WDR70: variants seen among roughly 807,000 people sequenced by gnomAD.
WDR70 encodes the protein WD repeat domain 70, also known as WD repeat-containing protein 70.
In WDR70, 53 loss-of-function variants were observed where a neutral mutation model predicts 88.6. That is an observed-to-expected ratio of 0.60 (90% CI 0.48 to 0.75). The LOEUF (loss-of-function observed/expected upper bound fraction) is 0.75, where lower values mean the gene tolerates loss of function less well. Among genes scored for constraint, WDR70 ranks in the 30% least tolerant of loss-of-function variants. WDR70 has a pLI of 0.00. For synonymous variants in WDR70, 280 were observed against 270.0 expected (o/e 1.04, Z -0.36); for missense variants, 610 against 823.2 (o/e 0.74, Z 3.17).
intron 9 of WDR70, among the ~76,000 whole-genome samples, chr5:37,560,828 T>TA (rs397942140): frequency 6.7e-6 from 1 of 149,836 alleles, no homozygotes; most frequent in African/African-American, 2.5e-5. Flanking sequence ...TTTTTTTTTT[T>TA]AAGAGACAGA....
chr5:37,650,701 A>G (rs1745377849), intron 10 of WDR70, among the ~76,000 whole-genome samples: 2 of 152,212 alleles, frequency 1.3e-5, no homozygotes, highest in African/African-American at 2.4e-5. Flanking sequence ...GATTATTTGC[A>G]TGGTAGGTAA....
chr5:37,732,479 C>T (rs1451423416), intron 17 of WDR70, among the ~76,000 whole-genome samples: 1 of 152,068 alleles, frequency 6.6e-6, no homozygotes, highest in Non-Finnish European at 1.5e-5. Flanking sequence ...GAATTAGTAT[C>T]TTTGGATGTA....
At chr5:37,676,930 G>T (rs143537088) in intron 10 of WDR70, among the ~76,000 whole-genome samples, 4,395 of 152,170 alleles carry the variant, frequency 0.029, 99 homozygotes, top group Non-Finnish European at 0.041. Flanking sequence ...TTGGTCTATT[G>T]AGAGATTCAG....
At chr5:37,678,059 C>A (rs1309295365) in intron 10 of WDR70, among the ~76,000 whole-genome samples, 1 of 151,944 alleles carries the variant, frequency 6.6e-6, no homozygotes, top group African/African-American at 2.4e-5. Flanking sequence ...GCAACCCCTG[C>A]CTTTTTTTGT....
intron 2 of WDR70, among the ~76,000 whole-genome samples, chr5:37,379,845 G>A (rs1748369677): frequency 6.6e-6 from 1 of 152,080 alleles, no homozygotes; most frequent in African/African-American, 2.4e-5. Context: ...ATTTGTACGA[G>A]GATTTTTAAA....
chr5:37,679,939 C>T (rs760588404), intron 10 of WDR70, among the ~76,000 whole-genome samples: 48 of 152,348 alleles, frequency 3.2e-4, no homozygotes, highest in Non-Finnish European at 6.2e-4. Flanking sequence ...TGGGCAATGG[C>T]GGGCGCCCCT....
intron 9 of WDR70, among the ~76,000 whole-genome samples, chr5:37,572,437 C>T (rs999241461): frequency 6.6e-6 from 1 of 151,956 alleles, no homozygotes. Flanking sequence ...TCCTTGATAA[C>T]TCCTTCTTTT....
chr5:37,668,093 A>T (rs1745917513), intron 10 of WDR70, among the ~76,000 whole-genome samples: 1 of 152,138 alleles, frequency 6.6e-6, no homozygotes, highest in Non-Finnish European at 1.5e-5. Flanking sequence ...ACAAAACAAA[A>T]AACAATTCTC....
chr5:37,654,744 G>T (rs948712319), intron 10 of WDR70, among the ~76,000 whole-genome samples: 7 of 151,610 alleles, frequency 4.6e-5, no homozygotes, highest in African/African-American at 1.7e-4. Flanking sequence ...TTTAAAGTCT[G>T]TTTTATCAGA....
intron 13 of WDR70, among the ~76,000 whole-genome samples, chr5:37,705,112 T>C (rs969588362): frequency 2.0e-5 from 3 of 152,138 alleles, no homozygotes; most frequent in African/African-American, 7.2e-5. Flanking sequence ...CTTGATATGT[T>C]GAGCTTGAAA....
chr5:37,442,970 A>T (rs1445449315), intron 6 of WDR70, among the ~76,000 whole-genome samples: 3 of 152,210 alleles, frequency 2.0e-5, no homozygotes, highest in Non-Finnish European at 4.4e-5. Flanking sequence ...AGTGATAGCT[A>T]TTCTGAATAC....
chr5:37,402,898 C>T lies in WDR70; in HGVS notation c.492+6328C>T, dbSNP rs138644065. On this transcript the variant is annotated intron_variant, in intron 5 of 17. Transcript: ENST00000265107. ...GTAAGAGCATGTAAAATCCATCCTTCCTTCCTTCCTTCCTTCCCTCTTTCC... is the reference window on the plus strand; with the variant it reads ...GTAAGAGCATGTAAAATCCATCCTTTCTTCCTTCCTTCCTTCCCTCTTTCC... 4.5e-3 allele frequency among the ~76,000 whole-genome samples: 675 copies of T among 148,984 alleles called. 3 individuals carry two copies. Among genetic ancestry groups the T allele is most frequent in the African/African-American group, 0.015 (616 of 40,120 alleles).
rs558902465 is a variant in WDR70, at chr5:37,597,891, A to G, written c.918-7173A>G. The stretch of plus-strand genomic sequence containing the variant: ...ATTTACCAATATATTTAGGGATTGT[A>G]TTTAAGAAATCTTTGCCTTACGCAG... On this transcript the variant is annotated intron_variant, in intron 9 of 17. Transcript: ENST00000265107. 4.6e-5 allele frequency among the ~76,000 whole-genome samples: 7 copies of G among 152,376 alleles called. No homozygotes were observed. The East Asian group carries it at 1.3e-3, about 29-fold the overall frequency.
intron 3 of WDR70, among the ~76,000 whole-genome samples, chr5:37,386,051 G>A (rs1321645212): frequency 1.3e-5 from 2 of 149,912 alleles, no homozygotes; most frequent in African/African-American, 4.9e-5. Context: ...CTGCCCTCAT[G>A]ATCCGCCCCC....
chr5:37,506,301 ACTT>A, intron 8 of WDR70: 1 of 935,638 alleles, frequency 1.1e-6, no homozygotes, highest in Non-Finnish European at 1.8e-6. Context: ...CTTTATTGCC[ACTT>A]CTAGGTGTTC....
rs550719544 is a variant in WDR70, at chr5:37,523,904, A to C, written c.917+7314A>C. 7.0e-4 allele frequency among the ~76,000 whole-genome samples: 107 copies of C among 152,336 alleles called. 1 individual carries two copies. In the East Asian group the frequency reaches 0.012, roughly 17 times the overall value. On this transcript the variant is annotated intron_variant, in intron 9 of 17. Coordinates refer to ENST00000265107, the MANE Select transcript of WDR70 (RefSeq NM_018034.4). The stretch of plus-strand genomic sequence containing the variant: ...AGTGATTGAAGATCAAATGAATGAA[A>C]TGAAGCGAGAAGAGACGTTTAGAGA...
intron 17 of WDR70, among the ~76,000 whole-genome samples, chr5:37,743,327 G>T (rs941647398): frequency 1.8e-4 from 27 of 152,226 alleles, no homozygotes; most frequent in African/African-American, 6.5e-4. Flanking sequence ...ACCCAGGCCA[G>T]TGGGGCCTAG....
chr5:37,494,880 A>G (rs893845764), intron 8 of WDR70, among the ~76,000 whole-genome samples: 2 of 152,276 alleles, frequency 1.3e-5, no homozygotes, highest in African/African-American at 4.8e-5. Flanking sequence ...TTATGCAAGC[A>G]AATGACTAAG....
intron 10 of WDR70, among the ~76,000 whole-genome samples, chr5:37,689,222 C>A (rs1746705532): frequency 6.6e-6 from 1 of 152,246 alleles, no homozygotes; most frequent in Admixed American, 6.5e-5. Context: ...CTAAGCAAGG[C>A]CTACTGCCTC....
Sources: allele counts gnomAD v4.1 joint callset (sites outside exome capture counted in the v4.1 genomes callset), GRCh38; gene constraint gnomAD v4.1.1; transcripts MANE v1.5; gene names NCBI Gene and HGNC (gene_info 2026-07-23, HGNC 2026-07-21).